The following NAALADL2 variants were observed in gnomAD, a reference collection of about 807,000 sequenced individuals.
NAALADL2 encodes inactive N-acetylated-alpha-linked acidic dipeptidase-like protein 2.
A neutral mutation model predicts 87.2 loss-of-function variants in NAALADL2; 76 were observed. The observed-to-expected ratio is 0.87, with a 90% CI of 0.72 to 1.05. The LOEUF is 1.05. Among genes scored for constraint, NAALADL2 ranks in the 50% least tolerant of loss-of-function variants. NAALADL2 has a pLI of 0.00. For missense variants in NAALADL2, 1,089 were observed against 945.8 expected, an observed-to-expected ratio of 1.15 and a Z score of -1.99; for synonymous variants, 354 against 331.0, an observed-to-expected ratio of 1.07 and a Z score of -0.75.
chr3:174,547,744 G>A (rs1005601282), intron 1 of NAALADL2, among the ~76,000 whole-genome samples: 1 of 152,036 alleles, frequency 6.6e-6, no homozygotes, highest in African/African-American at 2.4e-5. Flanking sequence ...TCTGAGTCAA[G>A]TGACATTGGG....
At chr3:174,542,695 CAACA>C (rs1722353455) in intron 1 of NAALADL2, among the ~76,000 whole-genome samples, 1 of 152,124 alleles carries the variant, frequency 6.6e-6, no homozygotes, top group African/African-American at 2.4e-5. Context: ...GGTAGCTTGT[CAACA>C]TACAGATGTT....
intron 2 of NAALADL2, among the ~76,000 whole-genome samples, chr3:174,728,054 A>C (rs1457955488): frequency 6.6e-6 from 1 of 152,006 alleles, no homozygotes; most frequent in East Asian, 1.9e-4. Flanking sequence ...TTGATAACTC[A>C]GTTTTTTTTA....
chr3:175,795,830 C>A (rs1452515180), intron 13 of NAALADL2, among the ~76,000 whole-genome samples: 1 of 151,838 alleles, frequency 6.6e-6, no homozygotes, highest in Non-Finnish European at 1.5e-5. Context: ...ACTATTTTTT[C>A]TGTTATTCTT....
intron 2 of NAALADL2, among the ~76,000 whole-genome samples, chr3:175,111,001 GTGTC>G (rs1724097926): frequency 6.6e-6 from 1 of 151,652 alleles, no homozygotes; most frequent in Non-Finnish European, 1.5e-5. Flanking sequence ...CATTACTCTA[GTGTC>G]TAGTTTAGAA....
intron 2 of NAALADL2, among the ~76,000 whole-genome samples, chr3:174,733,731 A>G (rs1026771805): frequency 6.6e-6 from 1 of 152,238 alleles, no homozygotes; most frequent in Non-Finnish European, 1.5e-5. Flanking sequence ...GCTGCAGCTG[A>G]GGAGATGGGA....
intron 9 of NAALADL2, among the ~76,000 whole-genome samples, chr3:175,564,311 C>G (rs2149522968): frequency 6.6e-6 from 1 of 152,068 alleles, no homozygotes; most frequent in East Asian, 1.9e-4. Context: ...TGTTTCTTTG[C>G]TTCTGGTTTA....
intron 3 of NAALADL2, among the ~76,000 whole-genome samples, chr3:174,759,737 G>T (rs955327217): frequency 5.5e-5 from 8 of 145,608 alleles, no homozygotes; most frequent in African/African-American, 1.5e-4. Context: ...TCTTGCTCTT[G>T]TTGCCCAGGC....
chr3:175,024,106 G>A (rs181785874), intron 1 of NAALADL2, among the ~76,000 whole-genome samples: 3 of 151,936 alleles, frequency 2.0e-5, no homozygotes, highest in South Asian at 2.1e-4. Context: ...AATGACATCA[G>A]TTTTCCTTTT....
intron 2 of NAALADL2, among the ~76,000 whole-genome samples, chr3:174,656,014 C>T (rs927987268): frequency 1.3e-5 from 2 of 152,278 alleles, no homozygotes; most frequent in Admixed American, 6.5e-5. Context: ...TGGTACTTTA[C>T]ACATGCCGAG....
chr3:175,224,794 C>T (rs1272556528), intron 2 of NAALADL2, among the ~76,000 whole-genome samples: 1 of 152,114 alleles, frequency 6.6e-6, no homozygotes, highest in African/African-American at 2.4e-5. Context: ...ATTCGAATAC[C>T]AAAATGTGTA....
intron 2 of NAALADL2, among the ~76,000 whole-genome samples, chr3:174,553,695 A>T (rs994265689): frequency 2.6e-5 from 4 of 152,180 alleles, no homozygotes; most frequent in Non-Finnish European, 5.9e-5. Context: ...TACTTCAAGT[A>T]GCACATTAAG....
At chr3:174,645,184 T>C (rs1723652041) in intron 2 of NAALADL2, among the ~76,000 whole-genome samples, 1 of 152,172 alleles carries the variant, frequency 6.6e-6, no homozygotes, top group African/African-American at 2.4e-5. Context: ...CAGGGAAATC[T>C]GGGCATTATT....
At chr3:174,671,137 T>A (rs957278191) in intron 2 of NAALADL2, among the ~76,000 whole-genome samples, 6 of 152,106 alleles carry the variant, frequency 3.9e-5, no homozygotes, top group Non-Finnish European at 8.8e-5. Flanking sequence ...GTGAACCAAT[T>A]AAACCTCTTT....
chr3:175,568,364 A>C (rs1717543280), intron 9 of NAALADL2, among the ~76,000 whole-genome samples: 1 of 152,176 alleles, frequency 6.6e-6, no homozygotes, highest in Non-Finnish European at 1.5e-5. Flanking sequence ...TAAGTATTGA[A>C]GAAAAATTAT....
intron 11 of NAALADL2, among the ~76,000 whole-genome samples, chr3:175,653,624 T>C (rs578026673): frequency 1.1e-4 from 17 of 152,320 alleles, no homozygotes; most frequent in Admixed American, 5.2e-4. Context: ...ATTTCCTTGA[T>C]TGGCTCTGTC....
At chr3:174,487,838 A>C (rs2108343551) in intron 1 of NAALADL2, among the ~76,000 whole-genome samples, 1 of 152,090 alleles carries the variant, frequency 6.6e-6, no homozygotes, top group South Asian at 2.1e-4. Context: ...TTGGTGACAT[A>C]AATAGAGAGA....
At chr3:175,374,557 A>G (rs1766892545) in intron 5 of NAALADL2, among the ~76,000 whole-genome samples, 2 of 55,870 alleles carry the variant, frequency 3.6e-5, no homozygotes, top group East Asian at 5.6e-4. Flanking sequence ...TCTCCAGAAA[A>G]AAAAAAAAAA....
chr3:175,180,831 C>G (rs768326619), intron 2 of NAALADL2, among the ~76,000 whole-genome samples: 2 of 151,888 alleles, frequency 1.3e-5, no homozygotes, highest in Non-Finnish European at 2.9e-5. Flanking sequence ...ATGGATCTAT[C>G]AGAAACATGC....
intron 2 of NAALADL2, among the ~76,000 whole-genome samples, chr3:174,686,541 C>T (rs2108840348): frequency 6.6e-6 from 1 of 151,652 alleles, no homozygotes; most frequent in African/African-American, 2.4e-5. Flanking sequence ...CTACCCACTT[C>T]AAACTATACT....
Sources: gnomAD v4.1 joint callset for allele counts (sites outside exome capture counted in the v4.1 genomes callset) on GRCh38, gnomAD v4.1.1 for gene constraint, MANE v1.5 for transcripts, NCBI Gene and HGNC (gene_info 2026-07-23, HGNC 2026-07-21) for gene names.